The following RBMS3 variants were observed in gnomAD, a reference collection of about 807,000 sequenced individuals.
The protein encoded by RBMS3 is RNA binding motif single stranded interacting protein 3.
RBMS3 carries 27 observed loss-of-function variants against 66.8 expected under a neutral mutation model. That is an observed-to-expected ratio of 0.40 (90% CI 0.30 to 0.56). The LOEUF is 0.56. Ranked by LOEUF, RBMS3 falls within the 20% of genes least tolerant of loss-of-function variation. RBMS3 has a pLI of 0.40. For synonymous variants in RBMS3, 188 were observed against 183.0 expected, an observed-to-expected ratio of 1.03 and a Z score of -0.22; for missense variants, 513 against 549.5, an observed-to-expected ratio of 0.93 and a Z score of 0.66.
chr3:29,547,933 T>A (rs183553653), intron 3 of RBMS3, among the ~76,000 whole-genome samples: 13 of 151,404 alleles, frequency 8.6e-5, no homozygotes, highest in Admixed American at 8.6e-4. Flanking sequence ...TAACTTGGAT[T>A]ACAGGCATGC....
chr3:29,712,647 A>C (rs2053225128), intron 4 of RBMS3, among the ~76,000 whole-genome samples: 1 of 152,194 alleles, frequency 6.6e-6, no homozygotes, highest in Non-Finnish European at 1.5e-5. Flanking sequence ...TGAGTAAAGA[A>C]GATCTGCCCT....
At chr3:29,681,717 GT>G (rs1457344465) in intron 4 of RBMS3, among the ~76,000 whole-genome samples, 1 of 152,148 alleles carries the variant, frequency 6.6e-6, no homozygotes, top group Non-Finnish European at 1.5e-5. Context: ...GTATTCCATG[GT>G]GTATATGTAC....
In RBMS3 at chr3:29,868,197, G is replaced by T. The variant is rs563179628; in HGVS notation, c.638-661G>T. On this transcript the variant is annotated intron_variant, in intron 6 of 14. Coordinates refer to ENST00000383767, the MANE Select transcript of RBMS3 (RefSeq NM_001003793.3). The stretch of plus-strand genomic sequence containing the variant: ...AAATACATTTACCTGAGTCATGTAG[G>T]ACCACATCAAGCAATCTGGGACTCA... Among the ~76,000 whole-genome samples the T allele has an allele frequency of 2.0e-5, 3 of 151,602 alleles. No individual in the cohort carries two copies. The South Asian group carries it at 6.2e-4, about 31-fold the overall frequency.
At position 29,747,397 on chromosome 3, in the gene RBMS3, GA is replaced by G. The variant is rs879550185; in HGVS notation, c.557+7521del. Among the ~76,000 whole-genome samples the G allele has an allele frequency of 4.7e-3, 200 of 42,866 alleles. 1 individual carries two copies. Among genetic ancestry groups the G allele is most frequent in the Middle Eastern group, 0.015 (1 of 68 alleles). 28.1% of individuals were successfully genotyped at this position (42,866 alleles called of 152,430 possible). On this transcript the variant is annotated intron_variant, in intron 5 of 14. Transcript: ENST00000383767. ...ATCTAGGTAGGTAGGTAGGTAGATAGATAGATAGATAGATAGATAGATAGAT... is the reference window on the plus strand; with the variant it reads ...ATCTAGGTAGGTAGGTAGGTAGATAGTAGATAGATAGATAGATAGATAGAT...
chr3:29,323,967 G>T (rs1222597505), intron 1 of RBMS3, among the ~76,000 whole-genome samples: 11 of 145,574 alleles, frequency 7.6e-5, no homozygotes, highest in Non-Finnish European at 1.6e-4. Flanking sequence ...CTCTCAAATG[G>T]GTCCTATTTT....
chr3:29,600,213 T>G (rs2048096197), intron 4 of RBMS3, among the ~76,000 whole-genome samples: 1 of 152,100 alleles, frequency 6.6e-6, no homozygotes, highest in Admixed American at 6.6e-5. Flanking sequence ...ATGCCAATAT[T>G]TGCACGTTTG....
chr3:29,355,472 A>C (rs1436534554), intron 1 of RBMS3, among the ~76,000 whole-genome samples: 1 of 150,618 alleles, frequency 6.6e-6, no homozygotes, highest in African/African-American at 2.5e-5. Context: ...AAAAATTGCC[A>C]TTTTTAATAT....
At chr3:29,954,703 A>G (rs1454805697) in intron 12 of RBMS3, among the ~76,000 whole-genome samples, 1 of 151,984 alleles carries the variant, frequency 6.6e-6, no homozygotes, top group Non-Finnish European at 1.5e-5. Flanking sequence ...TCCTATTTCT[A>G]CAATGTATTT....
chr3:29,498,443 TATA>T (rs539481211), intron 3 of RBMS3, among the ~76,000 whole-genome samples: 149 of 152,294 alleles, frequency 9.8e-4, no homozygotes, highest in Non-Finnish European at 1.7e-3. Flanking sequence ...ATATACAAAA[TATA>T]ATAATGTATA....
chr3:29,858,516 C>T (rs1253482165), intron 6 of RBMS3, among the ~76,000 whole-genome samples: 2 of 152,106 alleles, frequency 1.3e-5, no homozygotes, highest in Admixed American at 6.6e-5. Flanking sequence ...ACACAAGTTT[C>T]GCTAGTCTGT....
chr3:29,421,096 G>C (rs2040710975), intron 1 of RBMS3, among the ~76,000 whole-genome samples: 1 of 151,276 alleles, frequency 6.6e-6, no homozygotes, highest in Admixed American at 6.6e-5. Flanking sequence ...CTGGGCAACA[G>C]AGCGAGAGTC....
chr3:29,617,478 A>T (rs2048710557), intron 4 of RBMS3, among the ~76,000 whole-genome samples: 1 of 152,186 alleles, frequency 6.6e-6, no homozygotes, highest in East Asian at 1.9e-4. Context: ...ACTAGGAAGG[A>T]GCATGAGGAA....
rs1336501220 is a variant in RBMS3 at position 29,578,595 on chromosome 3, T to C, written c.308-8519T>C. 3.3e-5 allele frequency among the ~76,000 whole-genome samples: 5 copies of C among 152,082 alleles called. No homozygotes were observed. In the East Asian group the frequency reaches 5.8e-4, roughly 18 times the overall value. Reference sequence around the variant, plus strand: ...TGAGTATAAATTAGGAAGTGCACAATTGTAGTTAGATAGAACCTTTTATCA... The same window carrying C: ...TGAGTATAAATTAGGAAGTGCACAACTGTAGTTAGATAGAACCTTTTATCA... On this transcript the variant is annotated intron_variant, in intron 3 of 14. Transcript: ENST00000383767.
chr3:29,658,454 C>T (rs9831305), intron 4 of RBMS3, among the ~76,000 whole-genome samples: 29,515 of 152,036 alleles, frequency 0.19, 3,204 homozygotes, highest in East Asian at 0.34. Flanking sequence ...GACCACACTA[C>T]GAATATCAAT....
intron 3 of RBMS3, among the ~76,000 whole-genome samples, chr3:29,577,744 C>G (rs980198035): frequency 6.6e-6 from 1 of 152,176 alleles, no homozygotes; most frequent in African/African-American, 2.4e-5. Flanking sequence ...TTCTCCCTCC[C>G]TCAAATGCAC....
intron 6 of RBMS3, among the ~76,000 whole-genome samples, chr3:29,829,952 T>C (rs780346576): frequency 2.0e-5 from 3 of 151,786 alleles, no homozygotes; most frequent in Non-Finnish European, 4.4e-5. Flanking sequence ...CCTCTATCCC[T>C]ACTCACTACT....
intron 3 of RBMS3, among the ~76,000 whole-genome samples, chr3:29,532,246 G>GTATGTATA (rs1553616959): frequency 6.7e-5 from 6 of 88,994 alleles, no homozygotes; most frequent in African/African-American, 3.8e-4. Context: ...GCATATATAT[G>GTATGTATA]TATATATATA....
In RBMS3 at chr3:29,816,301, GACACACACAGACACACACAC is replaced by G. The variant is rs1477049535; in HGVS notation, c.638-52547_638-52528del. Among the ~76,000 whole-genome samples, 637 of 135,936 alleles carry G rather than the reference GACACACACAGACACACACAC, an allele frequency of 4.7e-3. 1 individual carries two copies. Among genetic ancestry groups the G allele is most frequent in the Middle Eastern group, 0.023 (6 of 260 alleles). The allele number at this position is 135,936 out of a possible 152,430, so 89.2% of individuals were successfully genotyped here. ...GTGCGCGCACACACAGACACACACA[GACACACACAGACACACACAC>G]ACACACACACACACACACACACACA... On this transcript the variant is annotated intron_variant, in intron 6 of 14. Transcript: ENST00000383767.
At chr3:29,432,583 C>G (rs1216014993) in intron 1 of RBMS3, among the ~76,000 whole-genome samples, 1 of 152,106 alleles carries the variant, frequency 6.6e-6, no homozygotes, top group East Asian at 1.9e-4. Flanking sequence ...TTCTCAAGCA[C>G]CTACTGTATA....
Sources: allele counts gnomAD v4.1 joint callset (sites outside exome capture counted in the v4.1 genomes callset), GRCh38; gene constraint gnomAD v4.1.1; transcripts MANE v1.5; gene names NCBI Gene and HGNC (gene_info 2026-07-23, HGNC 2026-07-21).